Variants in PHLDB2 observed in about 807,000 individuals in gnomAD.
PHLDB2 encodes pleckstrin homology-like domain family B member 2.
PHLDB2 carries 71 observed loss-of-function variants against 123.6 expected under a neutral mutation model. That is an observed-to-expected ratio of 0.57 (90% CI 0.47 to 0.70). The LOEUF is 0.70. Ranked by LOEUF, PHLDB2 falls within the 30% of genes least tolerant of loss-of-function variation. The pLI, the probability that PHLDB2 is intolerant of heterozygous loss-of-function variation, is 0.00. For synonymous variants in PHLDB2, 547 were observed against 541.6 expected (o/e 1.01, Z -0.14); for missense variants, 1,446 against 1,519.5 (o/e 0.95, Z 0.80).
At chr3:111,949,196 A>G in intron 10 of PHLDB2, 121 bp downstream of exon 10, 1 of 1,163,438 alleles carries the variant, frequency 8.6e-7, no homozygotes, top group Non-Finnish European at 1.2e-6. Context: ...GTTTGGCCAG[A>G]GGGGTAGGGT....
chr3:111,755,570 C>A (rs1465392820), intron 1 of PHLDB2, among the ~76,000 whole-genome samples: 1 of 147,960 alleles, frequency 6.8e-6, no homozygotes, highest in Admixed American at 6.7e-5. Flanking sequence ...TGCTAGTGGT[C>A]TATCAATTTT....
At chr3:111,879,540 G>A (rs1048874480) in intron 1 of PHLDB2, among the ~76,000 whole-genome samples, 8 of 152,154 alleles carry the variant, frequency 5.3e-5, no homozygotes, top group African/African-American at 1.9e-4. Flanking sequence ...GGGTGGCAGA[G>A]GCAGAAGTGG....
At chr3:111,797,588 T>A (rs529172146) in intron 1 of PHLDB2, among the ~76,000 whole-genome samples, 1 of 152,240 alleles carries the variant, frequency 6.6e-6, no homozygotes, top group Non-Finnish European at 1.5e-5. Context: ...TTTGCTACCA[T>A]CTGTGTCTTT....
At chr3:111,822,020 A>G (rs2062409279) in intron 1 of PHLDB2, among the ~76,000 whole-genome samples, 2 of 152,254 alleles carry the variant, frequency 1.3e-5, no homozygotes, top group South Asian at 4.1e-4. Context: ...CAGCTTTACT[A>G]GGCATGACCA....
At chr3:111,959,064 T>G (rs2071226526) in intron 12 of PHLDB2, among the ~76,000 whole-genome samples, 1 of 152,256 alleles carries the variant, frequency 6.6e-6, no homozygotes, top group South Asian at 2.1e-4. Context: ...CATTCTAGTG[T>G]TCCTTCACTG....
At chr3:111,964,761 C>T (rs2071640904) in intron 13 of PHLDB2, among the ~76,000 whole-genome samples, 1 of 151,568 alleles carries the variant, frequency 6.6e-6, no homozygotes, top group Non-Finnish European at 1.5e-5. Context: ...ATGGTGGGGG[C>T]AGGAGGGAAG....
chr3:111,783,260 A>G (rs975493783), intron 1 of PHLDB2, among the ~76,000 whole-genome samples: 18 of 152,134 alleles, frequency 1.2e-4, no homozygotes, highest in African/African-American at 4.3e-4. Context: ...CAATAGCAGA[A>G]GAGCCAACAC....
chr3:111,900,675 G>A (rs905326447), intron 2 of PHLDB2, among the ~76,000 whole-genome samples: 4 of 152,168 alleles, frequency 2.6e-5, no homozygotes, highest in African/African-American at 7.2e-5. Flanking sequence ...TTGAAATATT[G>A]TAAGAATTAC....
chr3:111,815,366 T>C (rs1472508289), intron 1 of PHLDB2, among the ~76,000 whole-genome samples: 1 of 152,046 alleles, frequency 6.6e-6, no homozygotes, highest in East Asian at 1.9e-4. Context: ...GACAGGAAAA[T>C]GTGGGAAAGT....
chr3:111,772,212 CTTACTG>C (rs1364196351), intron 1 of PHLDB2, among the ~76,000 whole-genome samples: 1 of 152,050 alleles, frequency 6.6e-6, no homozygotes, highest in African/African-American at 2.4e-5. Context: ...TTGTCTTTTT[CTTACTG>C]TTACTATTTT....
At chr3:111,813,184 G>C (rs1052311807) in intron 1 of PHLDB2, among the ~76,000 whole-genome samples, 2 of 152,274 alleles carry the variant, frequency 1.3e-5, no homozygotes, top group Middle Eastern at 3.4e-3. Context: ...AGGATACAAA[G>C]TTTCAGCTTG....
At chr3:111,822,886 C>CA (rs2062471215) in intron 1 of PHLDB2, among the ~76,000 whole-genome samples, 1 of 139,390 alleles carries the variant, frequency 7.2e-6, no homozygotes, top group African/African-American at 3.1e-5. Context: ...GTTTAGCCCT[C>CA]GGAAAAAAAA....
intron 2 of PHLDB2, among the ~76,000 whole-genome samples, chr3:111,901,998 A>T (rs1203096297): frequency 3.3e-5 from 5 of 152,128 alleles, no homozygotes; most frequent in Non-Finnish European, 4.4e-5. Flanking sequence ...CTTTAAAATG[A>T]TATATTTTTG....
At chr3:111,961,416 C>T (rs2071403438) in intron 12 of PHLDB2, among the ~76,000 whole-genome samples, 1 of 152,152 alleles carries the variant, frequency 6.6e-6, no homozygotes, top group Non-Finnish European at 1.5e-5. Flanking sequence ...TTGTTATCAA[C>T]AGCTTGTGGA....
At chr3:111,910,446 C>CA (rs953054240) in intron 2 of PHLDB2, among the ~76,000 whole-genome samples, 1 of 152,172 alleles carries the variant, frequency 6.6e-6, no homozygotes, top group African/African-American at 2.4e-5. Flanking sequence ...TTGGAAATCT[C>CA]AGAGGGCAGC....
chr3:111,943,256 T>G (rs1368693397), intron 8 of PHLDB2, among the ~76,000 whole-genome samples: 1 of 152,184 alleles, frequency 6.6e-6, no homozygotes, highest in African/African-American at 2.4e-5. Context: ...ATATACTGTC[T>G]TTTGATTTTT....
chr3:111,839,434 T>G (rs950283571), intron 1 of PHLDB2, among the ~76,000 whole-genome samples: 2 of 152,216 alleles, frequency 1.3e-5, no homozygotes, highest in African/African-American at 4.8e-5. Context: ...GTTCACAATG[T>G]ACTCTCAAGT....
chr3:111,893,259 T>A (rs1166987407), intron 2 of PHLDB2, among the ~76,000 whole-genome samples: 1 of 152,118 alleles, frequency 6.6e-6, no homozygotes, highest in Non-Finnish European at 1.5e-5. Context: ...GAAGAATGTC[T>A]TTGAAATGTG....
chr3:111,913,172 A>T, intron 2 of PHLDB2, 147 bp from the exon 3 acceptor site: 1 of 960,264 alleles, frequency 1.0e-6, no homozygotes, highest in Non-Finnish European at 1.6e-6. Context: ...CATCCGTCAA[A>T]GATTATGAAA....
Sources: allele counts gnomAD v4.1 joint callset (sites outside exome capture counted in the v4.1 genomes callset), GRCh38; gene constraint gnomAD v4.1.1; transcripts MANE v1.5; gene names NCBI Gene and HGNC (gene_info 2026-07-23, HGNC 2026-07-21).